The following RBM26 variants were observed in gnomAD, a reference collection of about 807,000 sequenced individuals.
RBM26 encodes the protein RNA binding motif protein 26.
In RBM26, 30 loss-of-function variants were observed where a neutral mutation model predicts 123.6. The observed-to-expected ratio is 0.24, with a 90% CI of 0.18 to 0.33. RBM26 has a LOEUF of 0.33. Ranked by LOEUF, RBM26 falls within the 10% of genes least tolerant of loss-of-function variation. RBM26 has a pLI of 1.00. For missense variants in RBM26, 947 were observed against 1,203.6 expected, an observed-to-expected ratio of 0.79 and a Z score of 3.15; for synonymous variants, 400 against 404.4, an observed-to-expected ratio of 0.99 and a Z score of 0.13.
chr13:79,316,930 G>C (rs2067198001), downstream of RBM26, among the ~76,000 whole-genome samples: 1 of 151,630 alleles, frequency 6.6e-6, no homozygotes, highest in Non-Finnish European at 1.5e-5. Context: ...TCTGTTAGGA[G>C]AGCTGCAGAA....
intron 10 of RBM26, among the ~76,000 whole-genome samples, chr13:79,358,935 A>C (rs2074342729): frequency 6.6e-6 from 1 of 152,226 alleles, no homozygotes; most frequent in South Asian, 2.1e-4. Flanking sequence ...ACTTGAAGAA[A>C]GGACAAAACT....
At chr13:79,367,509 G>A (rs1394162479) in intron 6 of RBM26, among the ~76,000 whole-genome samples, 1 of 151,592 alleles carries the variant, frequency 6.6e-6, no homozygotes, top group Non-Finnish European at 1.5e-5. Context: ...TTAGGGTCAT[G>A]GGGGTAGATC....
In RBM26 at chr13:79,374,286, C is replaced by T. The variant is rs145805996; in HGVS notation, c.328-2356G>A. ...CAGTTTAAGACCAGCCTGGCCAACA[C>T]GCTGAAATATCATCTCTACTAAAAA... On this transcript the variant is annotated intron_variant, in intron 3 of 21. Coordinates refer to ENST00000438737, the MANE Select transcript of RBM26 (RefSeq NM_001366735.2). 4.8e-3 allele frequency among the ~76,000 whole-genome samples: 727 copies of T among 152,086 alleles called. 3 individuals are homozygous for T. Among genetic ancestry groups the T allele is most frequent in the African/African-American group, 0.016 (682 of 41,514 alleles).
intron 4 of RBM26, 100 bp downstream of exon 4, chr13:79,371,742 G>T (rs2075902308): frequency 2.6e-6 from 2 of 774,896 alleles, no homozygotes; most frequent in Non-Finnish European, 4.4e-6. Flanking sequence ...TAAAAGAGTA[G>T]ATATTACTTG....
chr13:79,389,697 T>C (rs1260156771), intron 1 of RBM26: 3 of 152,124 alleles, frequency 2.0e-5, no homozygotes, highest in Non-Finnish European at 4.4e-5. Flanking sequence ...ATATTAACAG[T>C]AAAAGTTCAA....
chr13:79,378,919 A>G lies in RBM26; in HGVS notation c.72-12T>C, dbSNP rs1310662123. 6.5e-7 allele frequency: 1 copy of G among 1,534,414 alleles called. No individual in the cohort carries two copies. Among genetic ancestry groups the G allele is most frequent in the Admixed American group, 1.9e-5 (1 of 52,628 alleles). ...GATCTGCATCACAGCTAAAGAAAAA[A>G]ACCAATGTTGAAGAAAATTTAGCCA... On this transcript the variant is annotated splice_polypyrimidine_tract_variant and intron_variant, in intron 1 of 21. Transcript: ENST00000438737.
In RBM26 at chr13:79,405,829, TAC is replaced by T; in HGVS notation, c.-57_-56del. The T allele has an allele frequency of 8.6e-7, 1 of 1,166,396 alleles. No homozygotes were observed. 72.3% of individuals were successfully genotyped at this position (1,166,396 alleles called of 1,614,324 possible). On this transcript the variant is annotated 5_prime_UTR_variant, in exon 1 of 22. Transcript: ENST00000438737. ...CTCCGCCCGCCCAGGTCGCGGCCGC[TAC>T]AGCCGCCGCTGCCCCCGCCCCCTCC...
chr13:79,378,660 G>C (rs1749982), intron 2 of RBM26, 129 bp downstream of exon 2: 235,452 of 479,222 alleles, frequency 0.49, 59,570 homozygotes, highest in African/African-American at 0.57. Flanking sequence ...GGCTGGTCTT[G>C]AACTCCTGAC....
At chr13:79,388,679 G>A (rs117443923) in intron 1 of RBM26, among the ~76,000 whole-genome samples, 9,280 of 152,176 alleles carry the variant, frequency 0.061, 324 homozygotes, top group Middle Eastern at 0.23. Context: ...TTCAATTTAG[G>A]TAAGTGCATT....
chr13:79,323,063 C>A (rs1346406040), intron 20 of RBM26, among the ~76,000 whole-genome samples: 1 of 151,260 alleles, frequency 6.6e-6, no homozygotes, highest in East Asian at 1.9e-4. Context: ...AAAAAAAACC[C>A]CTCTGAACTC....
At chr13:79,387,866 C>A (rs2077620070) in intron 1 of RBM26, among the ~76,000 whole-genome samples, 1 of 152,210 alleles carries the variant, frequency 6.6e-6, no homozygotes, top group Admixed American at 6.5e-5. Flanking sequence ...TCCTAAATTG[C>A]CAGACCTATA....
chr13:79,323,491 T>C (rs987551168), intron 20 of RBM26, among the ~76,000 whole-genome samples: 5 of 151,652 alleles, frequency 3.3e-5, no homozygotes, highest in African/African-American at 7.2e-5. Context: ...AAAGTACTTA[T>C]ATGTATTTTA....
intron 14 of RBM26, among the ~76,000 whole-genome samples, chr13:79,352,542 C>T (rs947138770): frequency 2.6e-5 from 4 of 151,744 alleles, no homozygotes; most frequent in African/African-American, 9.7e-5. Flanking sequence ...ATATTTACCC[C>T]CCTTCATTTA....
At chr13:79,372,361 TTAAA>T (rs2075986761) in intron 3 of RBM26, among the ~76,000 whole-genome samples, 1 of 152,154 alleles carries the variant, frequency 6.6e-6, no homozygotes, top group Non-Finnish European at 1.5e-5. Context: ...TTAATTAACA[TTAAA>T]TAAAATTTAA....
chr13:79,369,907 T>C (rs1203118118), intron 5 of RBM26, among the ~76,000 whole-genome samples: 2 of 152,172 alleles, frequency 1.3e-5, no homozygotes, highest in Non-Finnish European at 2.9e-5. Context: ...ATTCATCACT[T>C]CCAAAAGAAT....
chr13:79,359,646 G>A lies in RBM26; in HGVS notation c.1458C>T (p.Asp486=), dbSNP rs772795948. The A allele has an allele frequency of 1.3e-6, 2 of 1,598,828 alleles. No individual in the cohort carries two copies. The highest frequency in any genetic ancestry group is 1.7e-6 in the Non-Finnish European group (2 of 1,173,550). ...CAATGGTTCTTTTCCTTGATTCTGA[G>A]TCCACTACTATCCTCATACTGCTTT... The part of the protein sequence containing the change: ...PNKSSMRIVV[D]SESRKRTIGS... Residue 486 remains aspartate (D), a synonymous_variant, in exon 10 of 22, where the codon GAC becomes GAT. Transcript: ENST00000438737.
intron 1 of RBM26, among the ~76,000 whole-genome samples, chr13:79,400,577 G>A (rs906955573): frequency 6.6e-6 from 1 of 152,176 alleles, no homozygotes; most frequent in Non-Finnish European, 1.5e-5. Context: ...AGTAATTAAT[G>A]AAATGTCAGA....
intron 1 of RBM26, among the ~76,000 whole-genome samples, chr13:79,398,041 T>C (rs1238173317): frequency 6.6e-6 from 1 of 152,204 alleles, no homozygotes; most frequent in Non-Finnish European, 1.5e-5. Flanking sequence ...AACCCTAAGT[T>C]AAAAATAAAC....
chr13:79,373,473 A>C (rs377437951), intron 3 of RBM26, among the ~76,000 whole-genome samples: 8 of 1,316 alleles, frequency 6.1e-3, no homozygotes, highest in African/African-American at 8.3e-3. Flanking sequence ...AATATGTATA[A>C]ATATACAAAT....
Sources: gnomAD v4.1 joint callset for allele counts (sites outside exome capture counted in the v4.1 genomes callset) on GRCh38, gnomAD v4.1.1 for gene constraint, MANE v1.5 for transcripts, NCBI Gene and HGNC (gene_info 2026-07-23, HGNC 2026-07-21) for gene names.